The following USP14 variants were observed in gnomAD, a reference collection of about 807,000 sequenced individuals.
USP14 encodes ubiquitin specific peptidase 14.
In USP14, 38 loss-of-function variants were observed where a neutral mutation model predicts 76.5. The ratio of observed to expected loss-of-function variants is 0.50; its 90% CI spans 0.38 to 0.65. The LOEUF is 0.65. USP14 is among the 30% of genes least tolerant of loss of function. The pLI, the probability that USP14 is intolerant of heterozygous loss-of-function variation, is 0.00. For missense variants in USP14, 467 were observed against 586.5 expected (o/e 0.80, Z 2.10); for synonymous variants, 192 against 191.7 (o/e 1.00, Z -0.01).
intron 3 of USP14, among the ~76,000 whole-genome samples, chr18:168,375 C>T (rs555481673): frequency 6.6e-6 from 1 of 152,266 alleles, no homozygotes; most frequent in African/African-American, 2.4e-5. Context: ...TTTACTTCTC[C>T]CTTTTCAATA....
At chr18:194,926 G>A (rs926444132) in intron 6 of USP14, among the ~76,000 whole-genome samples, 1 of 152,094 alleles carries the variant, frequency 6.6e-6, no homozygotes, top group African/African-American at 2.4e-5. Flanking sequence ...CTGAGACACT[G>A]TCTCAAAAAA....
At chr18:169,632 A>G (rs1284674298) in intron 3 of USP14, among the ~76,000 whole-genome samples, 3 of 152,018 alleles carry the variant, frequency 2.0e-5, no homozygotes, top group African/African-American at 7.2e-5. Context: ...CCAGAGTTTC[A>G]TATAAAGGCA....
At chr18:180,064 T>C (rs1292601373) in intron 4 of USP14, among the ~76,000 whole-genome samples, 172 bp from the exon 5 acceptor site, 1 of 149,388 alleles carries the variant, frequency 6.7e-6, no homozygotes, top group African/African-American at 2.4e-5. Context: ...AAGTAAACTT[T>C]TTTTTGGGGG....
chr18:204,498 T>G lies in USP14; in HGVS notation c.1036-66T>G. On this transcript the variant is annotated intron_variant, in intron 12 of 15. Coordinates refer to ENST00000261601, the MANE Select transcript of USP14 (RefSeq NM_005151.4). ...AATTATGAAAGCATTACTTCAGATA[T>G]GTGATACTTTAAATAAATATCTTTA... 5 of 1,280,082 alleles carry G rather than the reference T, an allele frequency of 3.9e-6. No homozygotes were observed. In the East Asian group the frequency reaches 1.4e-4, roughly 35 times the overall value. The allele number at this position is 1,280,082 out of a possible 1,614,324, so 79.3% of individuals were successfully genotyped here. A position where few individuals can be genotyped will look rare whatever the true frequency, so the allele number is the denominator to read the frequency against.
intron 3 of USP14, among the ~76,000 whole-genome samples, chr18:175,985 A>T (rs1008130049): frequency 3.9e-5 from 6 of 152,034 alleles, no homozygotes; most frequent in African/African-American, 1.2e-4. Context: ...TTCTTAAGGA[A>T]TTGGTTCATT....
chr18:163,509 A>G, intron 2 of USP14, 56 bp downstream of exon 2: 1 of 1,540,550 alleles, frequency 6.5e-7, no homozygotes, highest in Non-Finnish European at 8.8e-7. Flanking sequence ...TTTTTGAAAA[A>G]TAACGCCAGA....
chr18:203,535 A>G (rs1039023561), intron 12 of USP14, among the ~76,000 whole-genome samples: 1 of 152,088 alleles, frequency 6.6e-6, no homozygotes, highest in Non-Finnish European at 1.5e-5. Flanking sequence ...CCTCAGCTTC[A>G]GGGATACTGA....
chr18:165,553 T>C (rs538551806), intron 2 of USP14, among the ~76,000 whole-genome samples: 1 of 152,352 alleles, frequency 6.6e-6, no homozygotes, highest in South Asian at 2.1e-4. Flanking sequence ...TGAGTACTTA[T>C]TTTATGTCAG....
chr18:183,774 G>A (rs919561150), intron 5 of USP14, among the ~76,000 whole-genome samples: 4 of 149,058 alleles, frequency 2.7e-5, no homozygotes, highest in African/African-American at 9.9e-5. Context: ...TTGTTGTTTG[G>A]CCTTTTAACT....
chr18:173,287 T>A (rs920487532), intron 3 of USP14, among the ~76,000 whole-genome samples: 14 of 151,720 alleles, frequency 9.2e-5, no homozygotes, highest in Non-Finnish European at 2.1e-4. Flanking sequence ...TTTTTGTATT[T>A]TTTTTAGTAG....
At chr18:175,570 A>T (rs1909604639) in intron 3 of USP14, among the ~76,000 whole-genome samples, 1 of 151,610 alleles carries the variant, frequency 6.6e-6, no homozygotes, top group Non-Finnish European at 1.5e-5. Flanking sequence ...CTTGGGATAA[A>T]CCCCACTTGG....
At chr18:173,830 T>C (rs1284408166) in intron 3 of USP14, among the ~76,000 whole-genome samples, 1 of 152,230 alleles carries the variant, frequency 6.6e-6, no homozygotes, top group Non-Finnish European at 1.5e-5. Context: ...GACTATTCTT[T>C]TCCATTCTTC....
At position 212,341 on chromosome 18, in the gene USP14, T is replaced by G. The variant is rs1255910727; in HGVS notation, c.*1057T>G. ...CCAAATCTTGGCTGGGCACGGTGGC[T>G]CACGCCTGTAATCCCAGCACTTTGG... On this transcript the variant is annotated 3_prime_UTR_variant, in exon 16 of 16. Transcript: ENST00000261601. 1 of 152,378 alleles carries G rather than the reference T, an allele frequency of 6.6e-6. No individual in the cohort carries two copies. The highest frequency in any genetic ancestry group is 2.4e-5 in the African/African-American group (1 of 41,464). 9.4% of individuals were successfully genotyped at this position (152,378 alleles called of 1,614,324 possible).
chr18:173,333 T>A (rs565248472), intron 3 of USP14, among the ~76,000 whole-genome samples: 15 of 152,004 alleles, frequency 9.9e-5, no homozygotes, highest in South Asian at 2.1e-4. Flanking sequence ...GGATGGTCTC[T>A]ATCTCCTGAC....
intron 7 of USP14, 104 bp downstream of exon 7, chr18:196,871 T>C (rs1367605763): frequency 1.4e-6 from 2 of 1,411,604 alleles, no homozygotes; most frequent in Non-Finnish European, 1.9e-6. Context: ...ATCAGTCTTC[T>C]CTAGTTCATG....
intron 11 of USP14, 27 bp downstream of exon 11, chr18:202,972 A>G (rs752523355): frequency 1.2e-6 from 2 of 1,611,878 alleles, no homozygotes; most frequent in African/African-American, 2.7e-5. Context: ...TTTCGAAGCC[A>G]AATTCCGCTT....
chr18:175,955 A>G (rs890833263), intron 3 of USP14, among the ~76,000 whole-genome samples: 6 of 152,094 alleles, frequency 3.9e-5, no homozygotes, highest in Non-Finnish European at 5.9e-5. Flanking sequence ...TTTCTTTCCT[A>G]TCAGTTTGAT....
At chr18:198,279 C>G in intron 9 of USP14, 147 bp downstream of exon 9, 1 of 643,584 alleles carries the variant, frequency 1.6e-6, no homozygotes, top group Non-Finnish European at 2.4e-6. Flanking sequence ...CTCTTGTCGC[C>G]CAGGCTGGAT....
At chr18:188,537 G>C (rs1423149295) in intron 5 of USP14, among the ~76,000 whole-genome samples, 1 of 147,722 alleles carries the variant, frequency 6.8e-6, no homozygotes, top group Non-Finnish European at 1.5e-5. Flanking sequence ...CTTTGTGAGG[G>C]TTTGGTGTTA....
Sources: gnomAD v4.1 joint callset for allele counts (sites outside exome capture counted in the v4.1 genomes callset) on GRCh38, gnomAD v4.1.1 for gene constraint, MANE v1.5 for transcripts, NCBI Gene and HGNC (gene_info 2026-07-23, HGNC 2026-07-21) for gene names.